Variants in LRRC63 observed in about 807,000 individuals in gnomAD.
The protein encoded by LRRC63 is leucine-rich repeat-containing protein 63.
A neutral mutation model predicts 49.5 loss-of-function variants in LRRC63; 40 were observed. The observed-to-expected ratio is 0.81, with a 90% CI of 0.63 to 1.05. The LOEUF is 1.05. LRRC63 is among the 50% of genes least tolerant of loss of function. The pLI, the probability that LRRC63 is intolerant of heterozygous loss-of-function variation, is 0.00. For synonymous variants in LRRC63, 191 were observed against 221.1 expected (o/e 0.86, Z 1.21); for missense variants, 636 against 663.1 (o/e 0.96, Z 0.45).
intron 4 of LRRC63, 75 bp from the exon 5 acceptor site, chr13:46,234,117 A>G (rs2046839026): frequency 4.5e-6 from 6 of 1,347,714 alleles, no homozygotes; most frequent in Non-Finnish European, 4.1e-6. Context: ...TTATCATAAG[A>G]TAAATACCTC....
chr13:46,258,693 A>T (rs1434079397), intron 7 of LRRC63, among the ~76,000 whole-genome samples: 1 of 150,546 alleles, frequency 6.6e-6, no homozygotes, highest in Non-Finnish European at 1.5e-5. Flanking sequence ...CTGTAATCCC[A>T]GCTACTCAGG....
chr13:46,229,856 A>G (rs111922125), intron 4 of LRRC63, among the ~76,000 whole-genome samples: 7,674 of 152,258 alleles, frequency 0.05, 401 homozygotes, highest in African/African-American at 0.14. Flanking sequence ...TACAAGAAGT[A>G]TGGTGCTGGT....
chr13:46,242,016 T>C (rs1395339348), intron 5 of LRRC63, among the ~76,000 whole-genome samples: 1 of 152,064 alleles, frequency 6.6e-6, no homozygotes. Context: ...GACACATGCG[T>C]ATGCTTATTG....
intron 8 of LRRC63, among the ~76,000 whole-genome samples, chr13:46,263,318 G>A (rs1421680200): frequency 6.6e-6 from 1 of 151,986 alleles, no homozygotes; most frequent in African/African-American, 2.4e-5. Context: ...GGGACTATAG[G>A]TGTACACCAG....
rs1399339764 is a variant in LRRC63 at position 46,227,761 on chromosome 13, A to G, written c.335A>G (p.His112Arg). 4.5e-6 allele frequency: 7 copies of G among 1,550,400 alleles called. No individual in the cohort carries two copies. In the East Asian group the frequency reaches 1.7e-4, roughly 38 times the overall value. The stretch of plus-strand genomic sequence containing the variant: ...GCTACTGGTTCCATATTTTTTCCAC[A>G]TTGTAATTCAGCTTCTACTCGAATT... Residue 112 changes from histidine (H) to arginine (R), a missense_variant, in exon 3 of 10, where the codon CAT becomes CGT. Coordinates refer to ENST00000595396, the Ensembl canonical transcript of LRRC63.
At chr13:46,213,019 C>T (rs2046137716) in exon 2 of LRRC63, 13 of 1,513,246 alleles carry the variant, frequency 8.6e-6, no homozygotes, top group Non-Finnish European at 1.2e-5. Context: ...AAAAACAGCA[C>T]TTATTATTCA....
At chr13:46,224,680 T>C (rs1390362320) in intron 2 of LRRC63, among the ~76,000 whole-genome samples, 1 of 152,234 alleles carries the variant, frequency 6.6e-6, no homozygotes, top group East Asian at 1.9e-4. Context: ...GTGTATCTGG[T>C]GTAACAGTTG....
intron 2 of LRRC63, among the ~76,000 whole-genome samples, chr13:46,214,548 C>T (rs992209844): frequency 6.6e-6 from 1 of 151,472 alleles, no homozygotes; most frequent in Non-Finnish European, 1.5e-5. Flanking sequence ...TGGATGGTTC[C>T]TTTTTTTTGG....
At chr13:46,259,902 C>T (rs1225364574) in intron 7 of LRRC63, among the ~76,000 whole-genome samples, 2 of 152,088 alleles carry the variant, frequency 1.3e-5, no homozygotes, top group African/African-American at 4.8e-5. Context: ...TGCAAGCTAA[C>T]AGTAGGGCTC....
intron 5 of LRRC63, among the ~76,000 whole-genome samples, chr13:46,239,418 C>A (rs1458940544): frequency 7.2e-5 from 11 of 152,210 alleles, no homozygotes; most frequent in South Asian, 4.1e-4. Context: ...ACACATACAT[C>A]CTCCCAAGAC....
intron 5 of LRRC63, among the ~76,000 whole-genome samples, chr13:46,235,672 T>C (rs1428562020): frequency 6.6e-6 from 1 of 152,094 alleles, no homozygotes; most frequent in East Asian, 1.9e-4. Flanking sequence ...TTTTTTCACG[T>C]CAGATGGGTA....
intron 9 of LRRC63, among the ~76,000 whole-genome samples, chr13:46,268,360 G>A (rs1378836287): frequency 6.6e-6 from 1 of 152,174 alleles, no homozygotes; most frequent in Non-Finnish European, 1.5e-5. Flanking sequence ...CTCAGAAAGT[G>A]AGAACAGAGA....
At chr13:46,250,391 A>G (rs2047346176) in exon 7 of LRRC63, 2 of 1,523,540 alleles carry the variant, frequency 1.3e-6, no homozygotes, top group Non-Finnish European at 8.9e-7. Context: ...ACTGAAATTG[A>G]GAAATAATCC....
intron 2 of LRRC63, among the ~76,000 whole-genome samples, chr13:46,222,818 C>T (rs2046445830): frequency 2.0e-5 from 3 of 151,800 alleles, no homozygotes; most frequent in Admixed American, 2.0e-4. Flanking sequence ...ACCCAAATGT[C>T]CAACAATGAT....
chr13:46,237,856 C>T (rs56067240), intron 5 of LRRC63, among the ~76,000 whole-genome samples: 13,061 of 151,936 alleles, frequency 0.086, 725 homozygotes, highest in East Asian at 0.22. Context: ...AAAATGGAAA[C>T]ATTTCCAGAA....
chr13:46,271,352 C>G (rs536998875), intron 9 of LRRC63, among the ~76,000 whole-genome samples: 2 of 152,140 alleles, frequency 1.3e-5, no homozygotes, highest in Admixed American at 1.3e-4. Context: ...TATAATGTGA[C>G]GACCAAAAAG....
chr13:46,276,532 G>A (rs1811807853), intron 9 of LRRC63, 58 bp from the exon 10 acceptor site: 2 of 849,796 alleles, frequency 2.4e-6, no homozygotes, highest in Non-Finnish European at 3.1e-6. Flanking sequence ...GTCTTGCATA[G>A]CACAGAGTCT....
rs950394521 is a variant in LRRC63 at position 46,228,647 on chromosome 13, T to C, written c.764-18T>C. ...TACAAATATCCAAAGTCATCCCATT[T>C]GTTTTTCATTTTTCTAGAAACTCTT... On this transcript the variant is annotated intron_variant, in intron 3 of 9. Transcript: ENST00000595396. 26 of 1,466,020 alleles carry C rather than the reference T, an allele frequency of 1.8e-5. No homozygotes were observed. Among genetic ancestry groups the C allele is most frequent in the Non-Finnish European group, 2.3e-5 (25 of 1,072,198 alleles). The allele number at this position is 1,466,020 out of a possible 1,614,324, so 90.8% of individuals were successfully genotyped here.
intron 2 of LRRC63, among the ~76,000 whole-genome samples, chr13:46,220,457 C>G (rs556082072): frequency 6.6e-6 from 1 of 152,156 alleles, no homozygotes; most frequent in Non-Finnish European, 1.5e-5. Flanking sequence ...GCCCCTCCCC[C>G]ACCAAGCTTG....
Sources: gnomAD v4.1 joint callset for allele counts (sites outside exome capture counted in the v4.1 genomes callset) on GRCh38, gnomAD v4.1.1 for gene constraint, MANE v1.5 for transcripts, NCBI Gene and HGNC (gene_info 2026-07-23, HGNC 2026-07-21) for gene names.